SDHB: variants seen among roughly 807,000 people sequenced by gnomAD.
SDHB encodes succinate dehydrogenase [ubiquinone] iron-sulfur subunit, mitochondrial.
In SDHB, 21 loss-of-function variants were observed where a neutral mutation model predicts 39.7. That is an observed-to-expected ratio of 0.53 (90% confidence interval 0.37 to 0.76). The LOEUF (loss-of-function observed/expected upper bound fraction) is 0.76. SDHB is among the 30% of genes least tolerant of loss of function. The pLI, the probability that SDHB is intolerant of heterozygous loss-of-function variation, is 0.00. For synonymous variants in SDHB, 118 were observed against 117.0 expected, an observed-to-expected ratio of 1.01 and a Z score of -0.06; for missense variants, 343 against 350.9, an observed-to-expected ratio of 0.98 and a Z score of 0.18.
intron 7 of SDHB, among the ~76,000 whole-genome samples, chr1:17,019,843 C>T (rs1234764356): frequency 3.9e-5 from 6 of 152,130 alleles, no homozygotes; most frequent in Non-Finnish European, 7.4e-5. Context: ...AGTGATCCTC[C>T]GGCCTCAGCC....
chr1:17,019,888 A>G (rs944092700), intron 7 of SDHB, among the ~76,000 whole-genome samples: 29 of 152,274 alleles, frequency 1.9e-4, no homozygotes, highest in African/African-American at 6.5e-4. Flanking sequence ...GCGTGCCACC[A>G]CACCTGGCTA....
chr1:17,027,928 A>T, intron 4 of SDHB, 63 bp from the exon 5 acceptor site: 1 of 991,568 alleles, frequency 1.0e-6, no homozygotes, highest in South Asian at 1.3e-5. Flanking sequence ...TCATCACCTC[A>T]GCTTTATTTA....
At chr1:17,032,911 T>C in intron 3 of SDHB, 149 bp downstream of exon 3, 1 of 711,076 alleles carries the variant, frequency 1.4e-6, no homozygotes, top group Middle Eastern at 2.6e-4. Flanking sequence ...TTTGGATGCA[T>C]TTACCCAAGA....
chr1:17,049,979 T>C (rs190313620), intron 1 of SDHB, among the ~76,000 whole-genome samples: 25 of 152,232 alleles, frequency 1.6e-4, no homozygotes, highest in South Asian at 4.2e-4. Flanking sequence ...TGATTTAGTA[T>C]TGTCAGTGGG....
chr1:17,037,671 G>A (rs113554801), intron 2 of SDHB, among the ~76,000 whole-genome samples: 53 of 152,282 alleles, frequency 3.5e-4, no homozygotes, highest in African/African-American at 1.2e-3. Flanking sequence ...TGTCCAGGGT[G>A]GTCTTGAACT....
Position 17,018,825 on chromosome 1 carries a change from A to T in SDHB, c.*56T>A. 8.0e-7 allele frequency: 1 copy of T among 1,243,076 alleles called. No homozygotes were observed. Among genetic ancestry groups the T allele is most frequent in the Non-Finnish European group, 1.2e-6 (1 of 843,928 alleles). 77.0% of individuals were successfully genotyped at this position (1,243,076 alleles called of 1,614,324 possible). A position where few individuals can be genotyped will look rare whatever the true frequency, so the allele number is the denominator to read the frequency against. On this transcript the variant is annotated 3_prime_UTR_variant, in exon 8 of 8. Coordinates refer to ENST00000375499, the MANE Select transcript of SDHB (RefSeq NM_003000.3). ...AGATCTTTAAAGGAACTCAAATTAGATATAAATTATGTTCAGCTCTGAGCT... is the reference window on the plus strand; with the variant it reads ...AGATCTTTAAAGGAACTCAAATTAGTTATAAATTATGTTCAGCTCTGAGCT...
At chr1:17,035,566 A>G (rs909427381) in intron 2 of SDHB, among the ~76,000 whole-genome samples, 4 of 152,138 alleles carry the variant, frequency 2.6e-5, no homozygotes, top group African/African-American at 9.7e-5. Flanking sequence ...AAAAATTTCA[A>G]ATTGGCCAGG....
rs2077998075 is a variant in SDHB at position 17,027,581 on chromosome 1, C to T, written c.540+168G>A. The T allele has an allele frequency of 6.1e-6, 4 of 660,948 alleles. No homozygotes were observed. In the Admixed American group the frequency reaches 8.1e-5, roughly 13 times the overall value. The allele number at this position is 660,948 out of a possible 1,614,324, so 40.9% of individuals were successfully genotyped here. A position where few individuals can be genotyped will look rare whatever the true frequency, so the allele number is the denominator to read the frequency against. On this transcript the variant is annotated intron_variant, in intron 5 of 7. Coordinates refer to ENST00000375499, the MANE Select transcript of SDHB (RefSeq NM_003000.3). ...CCACTCTGGGCCATTCACGGGTTCACACTACTCACCCGGCCCTAAGAGGAT... is the reference window on the plus strand; with the variant it reads ...CCACTCTGGGCCATTCACGGGTTCATACTACTCACCCGGCCCTAAGAGGAT...
intron 1 of SDHB, among the ~76,000 whole-genome samples, chr1:17,051,320 T>G (rs1439932868): frequency 6.6e-6 from 1 of 152,158 alleles, no homozygotes; most frequent in Non-Finnish European, 1.5e-5. Flanking sequence ...ATTTCATAGT[T>G]TATAATTTAA....
intron 1 of SDHB, among the ~76,000 whole-genome samples, chr1:17,047,271 G>A (rs888624031): frequency 3.3e-5 from 5 of 152,006 alleles, no homozygotes; most frequent in African/African-American, 9.7e-5. Flanking sequence ...CAGGAGAATC[G>A]CTTGACCCTG....
intron 2 of SDHB, among the ~76,000 whole-genome samples, chr1:17,034,147 ATTTTTTTTC>A (rs1226675425): frequency 2.0e-5 from 3 of 151,320 alleles, no homozygotes; most frequent in African/African-American, 7.3e-5. Flanking sequence ...TCTGTATTTC[ATTTTTTTTC>A]TTTTTTTTCT....
chr1:17,031,109 T>C (rs2078020468), intron 3 of SDHB, among the ~76,000 whole-genome samples: 1 of 151,908 alleles, frequency 6.6e-6, no homozygotes, highest in Non-Finnish European at 1.5e-5. Flanking sequence ...TTCATAAGAC[T>C]AGAAAAGACA....
intron 5 of SDHB, among the ~76,000 whole-genome samples, chr1:17,025,961 A>G (rs2077989209): frequency 6.6e-6 from 1 of 152,248 alleles, no homozygotes; most frequent in South Asian, 2.1e-4. Context: ...GTGCTCAACT[A>G]GTAAGTGTAA....
chr1:17,030,135 G>A (rs1280983306), intron 3 of SDHB, among the ~76,000 whole-genome samples: 1 of 152,174 alleles, frequency 6.6e-6, no homozygotes, highest in Non-Finnish European at 1.5e-5. Flanking sequence ...GTTGCAGTGA[G>A]CAGAGATCGC....
intron 3 of SDHB, chr1:17,032,731 G>T: frequency 2.6e-6 from 1 of 389,058 alleles, no homozygotes; most frequent in East Asian, 5.9e-5. Context: ...ACTCTCCACT[G>T]CTCCCTTAAT....
chr1:17,040,826 T>C (rs954285578), intron 2 of SDHB, among the ~76,000 whole-genome samples: 2 of 152,108 alleles, frequency 1.3e-5, no homozygotes, highest in African/African-American at 4.8e-5. Flanking sequence ...AATCTTTCTT[T>C]TTCTTAAGAA....
chr1:17,026,349 A>G (rs2077990902), intron 5 of SDHB, among the ~76,000 whole-genome samples: 1 of 151,432 alleles, frequency 6.6e-6, no homozygotes, highest in Non-Finnish European at 1.5e-5. Flanking sequence ...CACACTTACT[A>G]GGACTCCCCT....
intron 2 of SDHB, among the ~76,000 whole-genome samples, chr1:17,036,089 T>C (rs2078049061): frequency 2.0e-5 from 3 of 152,126 alleles, no homozygotes; most frequent in Non-Finnish European, 4.4e-5. Flanking sequence ...GTCCCTTGCA[T>C]TTCTATAAGA....
intron 2 of SDHB, among the ~76,000 whole-genome samples, chr1:17,038,182 G>C (rs1333723317): frequency 1.3e-5 from 2 of 152,070 alleles, no homozygotes. Flanking sequence ...CAAAATGCTG[G>C]GATTATAAGC....
Sources: gnomAD v4.1 joint callset for allele counts (sites outside exome capture counted in the v4.1 genomes callset) on GRCh38, gnomAD v4.1.1 for gene constraint, MANE v1.5 for transcripts, NCBI Gene and HGNC (gene_info 2026-07-23, HGNC 2026-07-21) for gene names.